Variants in FRS2 observed in about 807,000 individuals in gnomAD.
FRS2 encodes the protein fibroblast growth factor receptor substrate 2.
In FRS2, 8 loss-of-function variants were observed where a neutral mutation model predicts 43.9. The ratio of observed to expected loss-of-function variants is 0.18; its 90% confidence interval spans 0.11 to 0.33. The LOEUF is 0.33. Among genes scored for constraint, FRS2 ranks in the 10% least tolerant of loss-of-function variants. FRS2 has a pLI of 1.00. For synonymous variants in FRS2, 219 were observed against 220.3 expected, an observed-to-expected ratio of 0.99 and a Z score of 0.05; for missense variants, 534 against 627.6, an observed-to-expected ratio of 0.85 and a Z score of 1.59.
At chr12:69,516,215 A>ATTGTTC (rs955897341) in intron 1 of FRS2, among the ~76,000 whole-genome samples, 2 of 147,930 alleles carry the variant, frequency 1.4e-5, no homozygotes, top group Non-Finnish European at 3.0e-5. Flanking sequence ...TATTATTATT[A>ATTGTTC]TTACTATTTT....
intron 1 of FRS2, among the ~76,000 whole-genome samples, chr12:69,489,790 A>G (rs1417038736): frequency 1.3e-5 from 2 of 150,126 alleles, no homozygotes; most frequent in African/African-American, 4.9e-5. Flanking sequence ...TGTTTTCTTA[A>G]CTGTACCTTT....
At chr12:69,495,066 T>G (rs561116561) in intron 1 of FRS2, among the ~76,000 whole-genome samples, 47 of 152,292 alleles carry the variant, frequency 3.1e-4, no homozygotes, top group Non-Finnish European at 6.3e-4. Flanking sequence ...CCACCTCGCC[T>G]GGCCGCTTCT....
At chr12:69,471,282 T>A (rs902152240) in intron 1 of FRS2, among the ~76,000 whole-genome samples, 1 of 151,736 alleles carries the variant, frequency 6.6e-6, no homozygotes, top group African/African-American at 2.4e-5. Context: ...AAAAAGATGC[T>A]TTTCTCTAAT....
chr12:69,544,339 T>G (rs1172363121), intron 3 of FRS2, among the ~76,000 whole-genome samples: 2 of 152,106 alleles, frequency 1.3e-5, no homozygotes, highest in Non-Finnish European at 2.9e-5. Flanking sequence ...ACCACATGAT[T>G]GTGTCAATTG....
intron 1 of FRS2, among the ~76,000 whole-genome samples, chr12:69,472,985 A>G (rs1870444957): frequency 6.6e-6 from 1 of 152,248 alleles, no homozygotes; most frequent in Non-Finnish European, 1.5e-5. Flanking sequence ...AACATTTACA[A>G]CATAAACATT....
Position 69,574,807 on chromosome 12 carries a change from T to G in FRS2, c.1379T>G (p.Leu460Arg), listed in dbSNP as rs1881072989. 1 of 1,614,000 alleles carries G rather than the reference T, an allele frequency of 6.2e-7. No individual in the cohort carries two copies. Among genetic ancestry groups the G allele is most frequent in the East Asian group, 2.2e-5 (1 of 44,894 alleles). ...PQTPKTPTTP[L>R]PQTPTRRTEL... is the part of the protein sequence containing the mutation. ...ACTCCAAAAACGCCTACAACTCCCC[T>G]TCCACAAACCCCTACCAGGCGCACA... Residue 460 changes from leucine (L) to arginine (R), a missense_variant, in exon 9 of 9, where the codon CTT (leucine) becomes CGT (arginine). Around this residue, in one of 3 missense-constraint regions of FRS2, gnomAD observed 446 missense variants for 494.2 expected, o/e 0.90. Transcript: ENST00000549921.
chr12:69,570,615 AAT>A (rs1555194312), intron 6 of FRS2, 98 bp downstream of exon 6: 1 of 715,558 alleles, frequency 1.4e-6, no homozygotes, highest in Non-Finnish European at 2.3e-6. Flanking sequence ...TTCTGAAAAA[AAT>A]CCCAAAATAA....
At chr12:69,557,621 C>CGT (rs1279328584) in intron 3 of FRS2, among the ~76,000 whole-genome samples, 7 of 82,326 alleles carry the variant, frequency 8.5e-5, no homozygotes, top group Admixed American at 8.3e-4. Flanking sequence ...TGTGTGTGTG[C>CGT]GCGCGCGCGC....
chr12:69,509,003 A>G (rs959496812), intron 1 of FRS2, among the ~76,000 whole-genome samples: 7 of 152,204 alleles, frequency 4.6e-5, no homozygotes, highest in African/African-American at 1.7e-4. Context: ...GTTTTTCCAG[A>G]TAATTATCCC....
At chr12:69,506,304 G>T (rs1873922453) in intron 1 of FRS2, among the ~76,000 whole-genome samples, 1 of 151,992 alleles carries the variant, frequency 6.6e-6, no homozygotes, top group African/African-American at 2.4e-5. Flanking sequence ...TATCCCCAAA[G>T]ACTATATTTG....
chr12:69,534,057 A>C (rs375098442), intron 3 of FRS2, among the ~76,000 whole-genome samples: 1 of 152,302 alleles, frequency 6.6e-6, no homozygotes. Flanking sequence ...TGGAATATGG[A>C]AATGCAGATT....
rs1881047653 is a variant in FRS2 at position 69,574,586 on chromosome 12, A to T, written c.1158A>T (p.Leu386=). 1 of 1,614,048 alleles carries T rather than the reference A, an allele frequency of 6.2e-7. No homozygotes were observed. Among genetic ancestry groups the T allele is most frequent in the Non-Finnish European group, 8.5e-7 (1 of 1,179,868 alleles). ...CTCTAAATGGCTACCATAATAATCT[A>T]GATCCAATGCATAACTATGTAAATA... ...TPSLNGYHNN[L]DPMHNYVNTE... is the part of the protein sequence containing the mutation. Residue 386 remains leucine, a synonymous_variant, in exon 9 of 9, where the codon CTA becomes CTT. Coordinates refer to ENST00000549921, the MANE Select transcript of FRS2 (RefSeq NM_001278356.2).
At chr12:69,548,127 A>G (rs1409642498) in intron 3 of FRS2, among the ~76,000 whole-genome samples, 1 of 152,186 alleles carries the variant, frequency 6.6e-6, no homozygotes, top group East Asian at 1.9e-4. Context: ...TGCTGAAATT[A>G]CAGGCGTAAG....
chr12:69,568,613 CTT>C (rs1880494983), intron 4 of FRS2, among the ~76,000 whole-genome samples: 1 of 151,962 alleles, frequency 6.6e-6, no homozygotes, highest in African/African-American at 2.4e-5. Context: ...CTCTCTCTCT[CTT>C]TAAAGAAGGA....
chr12:69,473,813 T>G lies in FRS2; in HGVS notation c.-261+3283T>G, dbSNP rs1470966856. On this transcript the variant is annotated intron_variant, in intron 1 of 8. Coordinates refer to ENST00000549921, the MANE Select transcript of FRS2 (RefSeq NM_001278356.2). Reference sequence around the variant, plus strand: ...GTGGGTGGCGAGGAGGAGGGGTTTTTGGAGCAGGTTTGGAGGAGATGGAAG... The same window carrying G: ...GTGGGTGGCGAGGAGGAGGGGTTTTGGGAGCAGGTTTGGAGGAGATGGAAG... 2.0e-5 allele frequency among the ~76,000 whole-genome samples: 3 copies of G among 152,032 alleles called. No homozygotes were observed. In the East Asian group the frequency reaches 5.8e-4, roughly 29 times the overall value.
intron 1 of FRS2, among the ~76,000 whole-genome samples, chr12:69,484,242 G>A (rs1326744651): frequency 2.0e-5 from 3 of 151,922 alleles, no homozygotes. Flanking sequence ...CCACCACCAC[G>A]CCCAGCTAAT....
chr12:69,521,835 C>T (rs1389703124), intron 1 of FRS2, among the ~76,000 whole-genome samples: 1 of 152,194 alleles, frequency 6.6e-6, no homozygotes, highest in Non-Finnish European at 1.5e-5. Flanking sequence ...AGGATGGTCT[C>T]GATCTCCTGA....
chr12:69,510,644 A>G (rs1357652957), intron 1 of FRS2, among the ~76,000 whole-genome samples: 1 of 152,172 alleles, frequency 6.6e-6, no homozygotes, highest in Non-Finnish European at 1.5e-5. Flanking sequence ...TGTAGTGATT[A>G]GGCGTGTGGC....
intron 1 of FRS2, among the ~76,000 whole-genome samples, chr12:69,513,146 A>T (rs693909): frequency 2.3e-4 from 34 of 149,894 alleles, no homozygotes; most frequent in Non-Finnish European, 4.1e-4. Context: ...CAAAGTTTGG[A>T]GTTTGTTTTT....
Sources: gnomAD v4.1 joint callset for allele counts (sites outside exome capture counted in the v4.1 genomes callset) on GRCh38, gnomAD v4.1.1 for gene constraint, gnomAD v4.1.1 regional missense constraint, MANE v1.5 for transcripts, NCBI Gene and HGNC (gene_info 2026-07-23, HGNC 2026-07-21) for gene names.